PCDH15: variants seen among roughly 807,000 people sequenced by gnomAD.
The protein encoded by PCDH15 is protocadherin-15.
A neutral mutation model predicts 178.5 loss-of-function variants in PCDH15; 129 were observed. The ratio of observed to expected loss-of-function variants is 0.72; its 90% CI spans 0.63 to 0.84. The LOEUF (loss-of-function observed/expected upper bound fraction) is 0.84, where lower values mean the gene tolerates loss of function less well. Among genes scored for constraint, PCDH15 ranks in the 40% least tolerant of loss-of-function variants. The probability of loss-of-function intolerance (pLI) is 0.00; values close to 1 mark genes in which losing one functional copy is unlikely to be tolerated. For missense variants in PCDH15, 2,230 were observed against 2,099.9 expected, an observed-to-expected ratio of 1.06 and a Z score of -1.21; for synonymous variants, 800 against 732.0, an observed-to-expected ratio of 1.09 and a Z score of -1.50.
intron 2 of PCDH15, among the ~76,000 whole-genome samples, chr10:54,534,009 TAA>T (rs1178117703): frequency 2.0e-5 from 3 of 152,140 alleles, no homozygotes; most frequent in African/African-American, 7.2e-5. Flanking sequence ...TTAATGGGGA[TAA>T]GAGTAATTAC....
At chr10:54,067,905 G>C (rs1248516068) in intron 17 of PCDH15, among the ~76,000 whole-genome samples, 2 of 152,184 alleles carry the variant, frequency 1.3e-5, no homozygotes, top group Non-Finnish European at 2.9e-5. Flanking sequence ...GAAGTGACTT[G>C]AGTGAAGCTG....
At chr10:54,525,181 G>T (rs2083257437) in intron 3 of PCDH15, among the ~76,000 whole-genome samples, 1 of 152,172 alleles carries the variant, frequency 6.6e-6, no homozygotes, top group African/African-American at 2.4e-5. Context: ...TAGATGCTTT[G>T]CTTTAGTAGT....
At chr10:54,296,687 A>G (rs1397772495) in intron 8 of PCDH15, among the ~76,000 whole-genome samples, 1 of 152,074 alleles carries the variant, frequency 6.6e-6, no homozygotes, top group Non-Finnish European at 1.5e-5. Context: ...TCTTATCTGG[A>G]ATTTTAGGAC....
At chr10:54,328,473 G>A (rs1293861887) in intron 7 of PCDH15, among the ~76,000 whole-genome samples, 1 of 151,880 alleles carries the variant, frequency 6.6e-6, no homozygotes. Flanking sequence ...CCAGTCTCAG[G>A]ATATGAACTA....
chr10:55,574,402 T>G (rs1589148741), intron 2 of PCDH15, among the ~76,000 whole-genome samples: 1 of 152,126 alleles, frequency 6.6e-6, no homozygotes, highest in Non-Finnish European at 1.5e-5. Context: ...CCTAACCTCT[T>G]CCCTCTTAGA....
At chr10:54,804,570 AAATG>A (rs1470385154), upstream of PCDH15, among the ~76,000 whole-genome samples, 3 of 152,094 alleles carry the variant, frequency 2.0e-5, no homozygotes, top group Non-Finnish European at 2.9e-5. Context: ...AAAAAAAAGA[AAATG>A]AATATGTTTA....
intron 3 of PCDH15, among the ~76,000 whole-genome samples, chr10:54,468,566 T>C (rs540902246): frequency 1.3e-3 from 200 of 152,314 alleles, no homozygotes; most frequent in Non-Finnish European, 2.0e-3. Flanking sequence ...TGTCCTACAA[T>C]ATGGTCTATT....
Position 55,595,370 on chromosome 10 carries a change from G to A in PCDH15, c.-156+32255C>T, listed in dbSNP as rs142070265. Among the ~76,000 whole-genome samples, 788 of 152,054 alleles carry A rather than the reference G, an allele frequency of 5.2e-3. 8 individuals are homozygous for A. The highest frequency in any genetic ancestry group is 0.019 in the South Asian group (92 of 4,816). ...TCCCCCAAATTTAAAACTTTACACA[G>A]TAAGGCCTTATATGCACACCTGGCC... is the stretch of plus-strand genomic sequence containing the variant. On this transcript the variant is annotated intron_variant, in intron 2 of 5. Transcript: ENST00000613346.
intron 2 of PCDH15, among the ~76,000 whole-genome samples, chr10:54,531,823 G>A (rs1004491346): frequency 6.6e-6 from 1 of 152,070 alleles, no homozygotes; most frequent in Non-Finnish European, 1.5e-5. Context: ...TTTCAAAGTT[G>A]TCTTAAATGT....
intron 2 of PCDH15, among the ~76,000 whole-genome samples, chr10:55,549,419 A>G (rs924727559): frequency 1.3e-5 from 2 of 152,136 alleles, no homozygotes; most frequent in African/African-American, 4.8e-5. Context: ...GATGATGGGT[A>G]TGCATCAATT....
At chr10:55,381,269 G>C (rs570677290) in intron 2 of PCDH15, among the ~76,000 whole-genome samples, 1 of 152,282 alleles carries the variant, frequency 6.6e-6, no homozygotes, top group Admixed American at 6.5e-5. Context: ...TGAGGATGTA[G>C]AGCTTTGGAT....
rs190977920 is a variant in PCDH15 at position 54,294,361 on chromosome 10, G to A, written c.876+22910C>T. 4.2e-3 allele frequency among the ~76,000 whole-genome samples: 633 copies of A among 152,214 alleles called. 7 individuals carry two copies. The highest frequency in any genetic ancestry group is 0.014 in the African/African-American group (584 of 41,532). On this transcript the variant is annotated intron_variant, in intron 8 of 37. Coordinates refer to ENST00000644397, the MANE Select transcript of PCDH15 (RefSeq NM_001384140.1). ...GATAGCATTGGGAGAATTACCTAAT[G>A]TAAATGACGAGTTAATGGGTGCAGC...
chr10:54,488,196 A>G (rs949584828), intron 3 of PCDH15, among the ~76,000 whole-genome samples: 4 of 151,936 alleles, frequency 2.6e-5, no homozygotes, highest in Admixed American at 1.3e-4. Context: ...TAAATTTAAA[A>G]CTATGTTTTC....
intron 2 of PCDH15, among the ~76,000 whole-genome samples, chr10:55,552,278 G>A (rs1040932942): frequency 2.6e-5 from 4 of 151,502 alleles, no homozygotes; most frequent in Non-Finnish European, 5.9e-5. Context: ...CATTCCATGT[G>A]ATTGAGGATA....
intron 1 of PCDH15, among the ~76,000 whole-genome samples, chr10:55,244,469 A>G (rs1323629495): frequency 6.6e-6 from 1 of 151,992 alleles, no homozygotes; most frequent in Non-Finnish European, 1.5e-5. Flanking sequence ...AAATTCCTAA[A>G]CCCCATGTGA....
rs1342333656 is a variant in PCDH15 at position 54,612,149 on chromosome 10, C to A, written c.91+52023G>T. 2.0e-5 allele frequency among the ~76,000 whole-genome samples: 3 copies of A among 151,614 alleles called. No homozygotes were observed. In the East Asian group the frequency reaches 5.8e-4, roughly 29 times the overall value. Reference sequence around the variant, plus strand: ...TAAACAGAGTTGAATAATTGTATAACCCTAAAAGTAAAAGAGGCAAACAAT... The same window carrying A: ...TAAACAGAGTTGAATAATTGTATAAACCTAAAAGTAAAAGAGGCAAACAAT... On this transcript the variant is annotated intron_variant, in intron 2 of 37. Coordinates refer to ENST00000644397, the MANE Select transcript of PCDH15 (RefSeq NM_001384140.1).
At chr10:53,872,939 G>A (rs1252806216) in intron 26 of PCDH15, among the ~76,000 whole-genome samples, 1 of 152,120 alleles carries the variant, frequency 6.6e-6, no homozygotes, top group Non-Finnish European at 1.5e-5. Context: ...ATCTCTCACT[G>A]AAGGTACTTA....
chr10:55,425,636 A>G (rs1231105489), intron 2 of PCDH15, among the ~76,000 whole-genome samples: 1 of 150,670 alleles, frequency 6.6e-6, no homozygotes, highest in Non-Finnish European at 1.5e-5. Flanking sequence ...GTCTGAGAAG[A>G]GTTACCCGCT....
rs11004074 is a variant in PCDH15, at chr10:54,113,347, A to G, written c.1917+19528T>C. Among the ~76,000 whole-genome samples the G allele has an allele frequency of 7.0e-3, 1,060 of 152,308 alleles. 9 individuals are homozygous for G. The highest frequency in any genetic ancestry group is 0.054 in the Middle Eastern group (16 of 294). ...AATAACTAATTCAGCACGTTTAAGC[A>G]TTCATCTTGACTCTCCTCACTTTCC... On this transcript the variant is annotated intron_variant, in intron 15 of 37. Coordinates refer to ENST00000644397, the MANE Select transcript of PCDH15 (RefSeq NM_001384140.1).
Sources: gnomAD v4.1 joint callset for allele counts (sites outside exome capture counted in the v4.1 genomes callset) on GRCh38, gnomAD v4.1.1 for gene constraint, MANE v1.5 for transcripts, NCBI Gene and HGNC (gene_info 2026-07-23, HGNC 2026-07-21) for gene names.